The following CHCHD3 variants were observed in gnomAD, a reference collection of about 807,000 sequenced individuals.
CHCHD3 encodes the protein MICOS complex subunit MIC19.
Under a neutral mutation model 38.2 loss-of-function variants are expected in CHCHD3, and 20 were observed. That is an observed-to-expected ratio of 0.52 (90% CI 0.37 to 0.76). The LOEUF is 0.76. CHCHD3 is among the 30% of genes least tolerant of loss of function. CHCHD3 has a pLI of 0.00. For synonymous variants in CHCHD3, 82 were observed against 100.0 expected (o/e 0.82, Z 1.07); for missense variants, 245 against 279.2 (o/e 0.88, Z 0.87).
chr7:133,012,997 C>T (rs1342420593), intron 3 of CHCHD3, among the ~76,000 whole-genome samples: 1 of 151,558 alleles, frequency 6.6e-6, no homozygotes, highest in Non-Finnish European at 1.5e-5. Flanking sequence ...ACCAGCCTGG[C>T]CAACATGATG....
At chr7:132,910,605 G>C (rs777713956) in intron 4 of CHCHD3, among the ~76,000 whole-genome samples, 52 of 152,154 alleles carry the variant, frequency 3.4e-4, no homozygotes, top group African/African-American at 5.1e-4. Flanking sequence ...TGTGCCAAGA[G>C]ATAGCTCTAA....
At chr7:132,895,082 C>A (rs573549769) in intron 4 of CHCHD3, among the ~76,000 whole-genome samples, 2 of 152,272 alleles carry the variant, frequency 1.3e-5, no homozygotes, top group East Asian at 1.9e-4. Flanking sequence ...GATATGAGTT[C>A]TTATCAGTAA....
intron 4 of CHCHD3, among the ~76,000 whole-genome samples, chr7:132,925,955 G>A (rs1310859256): frequency 6.6e-6 from 1 of 152,206 alleles, no homozygotes. Context: ...CAATGGTTCA[G>A]GGAGGTGAAG....
intron 5 of CHCHD3, among the ~76,000 whole-genome samples, chr7:132,860,821 A>AC (rs1329375690): frequency 9.2e-5 from 14 of 152,238 alleles, no homozygotes; most frequent in African/African-American, 3.1e-4. Context: ...ACAAGGTTTC[A>AC]CCATGTTGCC....
chr7:132,988,406 C>A (rs935009178), intron 3 of CHCHD3, among the ~76,000 whole-genome samples: 6 of 151,774 alleles, frequency 4.0e-5, no homozygotes, highest in African/African-American at 1.5e-4. Context: ...TTAAATAATA[C>A]CTGGCACTTG....
intron 6 of CHCHD3, among the ~76,000 whole-genome samples, chr7:132,809,242 A>T (rs2117048453): frequency 6.6e-6 from 1 of 152,188 alleles, no homozygotes; most frequent in African/African-American, 2.4e-5. Flanking sequence ...ATATGGCATA[A>T]GCCACAGCAC....
chr7:132,914,231 G>A (rs1358334691), intron 4 of CHCHD3, among the ~76,000 whole-genome samples: 7 of 151,226 alleles, frequency 4.6e-5, no homozygotes, highest in African/African-American at 1.5e-4. Context: ...CTCATGATCC[G>A]CCCACCTTGG....
At chr7:133,048,640 G>A (rs1814063380) in intron 2 of CHCHD3, among the ~76,000 whole-genome samples, 1 of 152,148 alleles carries the variant, frequency 6.6e-6, no homozygotes, top group Admixed American at 6.5e-5. Flanking sequence ...TAGACAATTG[G>A]AAAATCACTA....
At chr7:132,982,309 G>C (rs1811940172) in intron 3 of CHCHD3, among the ~76,000 whole-genome samples, 1 of 152,026 alleles carries the variant, frequency 6.6e-6, no homozygotes, top group Non-Finnish European at 1.5e-5. Context: ...TTTTGAGACG[G>C]AGTCTCACTC....
At chr7:132,955,132 CCAA>C (rs1018323349) in intron 4 of CHCHD3, among the ~76,000 whole-genome samples, 1 of 148,396 alleles carries the variant, frequency 6.7e-6, no homozygotes, top group African/African-American at 2.5e-5. Flanking sequence ...GGGCACATCA[CCAA>C]CAACGTCAAG....
intron 6 of CHCHD3, among the ~76,000 whole-genome samples, chr7:132,825,160 C>T (rs1807478006): frequency 6.6e-6 from 1 of 152,232 alleles, no homozygotes; most frequent in African/African-American, 2.4e-5. Context: ...GAACATGGAA[C>T]ATCAAAGAGA....
chr7:132,972,485 G>A (rs560833943), intron 4 of CHCHD3: 3 of 721,526 alleles, frequency 4.2e-6, no homozygotes, highest in East Asian at 1.3e-4. Context: ...AGTACATTGA[G>A]TGATTTTAGT....
chr7:133,068,648 G>C (rs1269250264), intron 2 of CHCHD3, among the ~76,000 whole-genome samples: 1 of 152,154 alleles, frequency 6.6e-6, no homozygotes, highest in Non-Finnish European at 1.5e-5. Context: ...GAAGACGACA[G>C]TTATCTATCT....
chr7:132,908,747 C>T (rs932621424), intron 4 of CHCHD3, among the ~76,000 whole-genome samples: 45 of 152,190 alleles, frequency 3.0e-4, no homozygotes, highest in Admixed American at 2.7e-3. Flanking sequence ...TCCCTGAACT[C>T]ACGAGTCTGG....
chr7:133,067,248 C>T (rs1341962816), intron 2 of CHCHD3, among the ~76,000 whole-genome samples: 1 of 151,768 alleles, frequency 6.6e-6, no homozygotes, highest in Non-Finnish European at 1.5e-5. Flanking sequence ...GATCATCACG[C>T]TAACTCCGTA....
intron 5 of CHCHD3, among the ~76,000 whole-genome samples, chr7:132,863,268 A>G (rs1449892133): frequency 6.6e-6 from 1 of 152,220 alleles, no homozygotes; most frequent in Non-Finnish European, 1.5e-5. Context: ...AGCAGGCATG[A>G]AATTATTAAT....
chr7:132,917,505 T>A (rs1389464233), intron 4 of CHCHD3, among the ~76,000 whole-genome samples: 1 of 152,200 alleles, frequency 6.6e-6, no homozygotes, highest in African/African-American at 2.4e-5. Context: ...TCTAAACTCT[T>A]GTGGTTCATT....
intron 4 of CHCHD3, among the ~76,000 whole-genome samples, chr7:132,964,396 C>T (rs1036042890): frequency 6.6e-6 from 1 of 152,150 alleles, no homozygotes; most frequent in Non-Finnish European, 1.5e-5. Context: ...GCCTGACCAA[C>T]ATGGTGAAAC....
intron 2 of CHCHD3, among the ~76,000 whole-genome samples, chr7:133,062,798 T>C (rs878874358): frequency 4.6e-5 from 7 of 151,992 alleles, no homozygotes; most frequent in Admixed American, 2.0e-4. Context: ...TAGGGGCAAG[T>C]AGGGAGTGTC....
Sources: gnomAD v4.1 joint callset for allele counts (sites outside exome capture counted in the v4.1 genomes callset) on GRCh38, gnomAD v4.1.1 for gene constraint, MANE v1.5 for transcripts, NCBI Gene and HGNC (gene_info 2026-07-23, HGNC 2026-07-21) for gene names.